Variants in RBFOX1 observed in about 807,000 individuals in gnomAD.
The protein encoded by RBFOX1 is RNA binding protein fox-1 homolog 1.
RBFOX1 carries 8 observed loss-of-function variants against 57.7 expected under a neutral mutation model. That is an observed-to-expected ratio of 0.14 (90% CI 0.08 to 0.25). The LOEUF is 0.25. Ranked by LOEUF, RBFOX1 falls within the 10% of genes least tolerant of loss-of-function variation. The pLI, the probability that RBFOX1 is intolerant of heterozygous loss-of-function variation, is 1.00. For synonymous variants in RBFOX1, 326 were observed against 222.4 expected, an observed-to-expected ratio of 1.47 and a Z score of -4.15; for missense variants, 611 against 548.5, an observed-to-expected ratio of 1.11 and a Z score of -1.14.
At position 7,538,424 on chromosome 16, in the gene RBFOX1, C is replaced by T. The variant is rs957529603; in HGVS notation, c.270+20035C>T. ...TTACTGTTGAGGAAAATGTAATTCT[C>T]CTCAACTTCTATTACTATTATAGTG... On this transcript the variant is annotated intron_variant, in intron 5 of 15. Transcript: ENST00000550418. 4.6e-5 allele frequency among the ~76,000 whole-genome samples: 7 copies of T among 152,180 alleles called. No individual in the cohort carries two copies. The South Asian group carries it at 1.5e-3, about 32-fold the overall frequency.
intron 2 of RBFOX1, among the ~76,000 whole-genome samples, chr16:6,522,544 A>G (rs1017096619): frequency 2.6e-5 from 4 of 152,164 alleles, no homozygotes; most frequent in African/African-American, 9.7e-5. Context: ...ATTCTGGATG[A>G]AGCTGTTTCT....
chr16:6,002,137 A>G (rs2060612439), intron 4 of RBFOX1, among the ~76,000 whole-genome samples: 1 of 151,968 alleles, frequency 6.6e-6, no homozygotes, highest in South Asian at 2.1e-4. Context: ...ATGCCCGGCT[A>G]ATTAAAAGAT....
At chr16:5,917,387 C>G (rs147541124) in intron 4 of RBFOX1, among the ~76,000 whole-genome samples, 12 of 152,214 alleles carry the variant, frequency 7.9e-5, no homozygotes, top group Non-Finnish European at 1.3e-4. Flanking sequence ...TCCCAACAGC[C>G]TAAGAGATTT....
intron 3 of RBFOX1, among the ~76,000 whole-genome samples, chr16:6,693,870 C>G (rs1026735951): frequency 1.3e-5 from 2 of 152,242 alleles, no homozygotes; most frequent in African/African-American, 4.8e-5. Context: ...TTAGTGTTCA[C>G]AGAGTGCCAT....
chr16:6,880,576 T>A (rs2153329294), intron 3 of RBFOX1, among the ~76,000 whole-genome samples: 1 of 152,226 alleles, frequency 6.6e-6, no homozygotes, highest in South Asian at 2.1e-4. Context: ...AAGGCCAGAA[T>A]CTGTTTTTCT....
intron 1 of RBFOX1, among the ~76,000 whole-genome samples, chr16:5,255,600 C>A (rs1404048494): frequency 6.6e-6 from 1 of 151,816 alleles, no homozygotes; most frequent in Non-Finnish European, 1.5e-5. Flanking sequence ...ACCCATTCAC[C>A]CACTCATCCA....
chr16:5,400,334 C>T (rs1483124448), intron 1 of RBFOX1, among the ~76,000 whole-genome samples: 1 of 151,862 alleles, frequency 6.6e-6, no homozygotes. Flanking sequence ...CTCTAATGAT[C>T]GGCCCACCTT....
At chr16:7,267,726 C>T (rs919644662) in intron 4 of RBFOX1, among the ~76,000 whole-genome samples, 6 of 151,876 alleles carry the variant, frequency 4.0e-5, no homozygotes, top group African/African-American at 1.2e-4. Context: ...TGTGATAGTG[C>T]GTGCCTGTAG....
intron 4 of RBFOX1, among the ~76,000 whole-genome samples, chr16:7,072,793 G>A (rs567332242): frequency 6.6e-6 from 1 of 152,230 alleles, no homozygotes; most frequent in South Asian, 2.1e-4. Context: ...TCGGAGACAT[G>A]TGAGATGAAG....
At chr16:5,827,125 G>T (rs554432423) in intron 3 of RBFOX1, among the ~76,000 whole-genome samples, 2 of 152,264 alleles carry the variant, frequency 1.3e-5, no homozygotes, top group South Asian at 2.1e-4. Context: ...GAACAGGCCA[G>T]GCACTGTGGC....
At chr16:6,086,206 T>A (rs567585770) in intron 1 of RBFOX1, among the ~76,000 whole-genome samples, 63 of 152,292 alleles carry the variant, frequency 4.1e-4, no homozygotes, top group African/African-American at 1.4e-3. Context: ...ACCACTTACC[T>A]AGTAATAGAC....
chr16:6,033,372 G>A (rs1267603934), intron 1 of RBFOX1, among the ~76,000 whole-genome samples: 2 of 151,974 alleles, frequency 1.3e-5, no homozygotes, highest in Admixed American at 6.5e-5. Context: ...GCAGGAGTAT[G>A]CAGAGAAAAA....
At chr16:5,361,755 G>C (rs114605129) in intron 1 of RBFOX1, among the ~76,000 whole-genome samples, 444 of 152,304 alleles carry the variant, frequency 2.9e-3, no homozygotes, top group African/African-American at 0.01. Flanking sequence ...TTGTATTCTT[G>C]CTCAGGCCAC....
At chr16:7,448,810 C>T (rs1363055158) in intron 4 of RBFOX1, among the ~76,000 whole-genome samples, 2 of 152,092 alleles carry the variant, frequency 1.3e-5, no homozygotes, top group Non-Finnish European at 2.9e-5. Flanking sequence ...CTTGTAAGGG[C>T]ACCAGCCATT....
chr16:6,140,131 G>A (rs1338130494), intron 1 of RBFOX1, among the ~76,000 whole-genome samples: 1 of 151,700 alleles, frequency 6.6e-6, no homozygotes, highest in East Asian at 1.9e-4. Flanking sequence ...TCTTTGTTAA[G>A]ATACTACTGT....
At chr16:7,156,423 G>C (rs1466070413) in intron 4 of RBFOX1, among the ~76,000 whole-genome samples, 1 of 151,742 alleles carries the variant, frequency 6.6e-6, no homozygotes, top group African/African-American at 2.4e-5. Context: ...GCGTATAGTT[G>C]TACATACACA....
At chr16:6,610,644 C>G (rs1027042874) in intron 2 of RBFOX1, among the ~76,000 whole-genome samples, 2 of 152,122 alleles carry the variant, frequency 1.3e-5, no homozygotes, top group East Asian at 1.9e-4. Context: ...CAACATTATC[C>G]TGATTATACA....
intron 3 of RBFOX1, among the ~76,000 whole-genome samples, chr16:6,968,259 G>C (rs2084736271): frequency 6.6e-6 from 1 of 152,206 alleles, no homozygotes; most frequent in African/African-American, 2.4e-5. Context: ...AAGACCCCCA[G>C]GCAAGCTGTC....
At chr16:6,589,190 T>G (rs2097674798) in intron 2 of RBFOX1, among the ~76,000 whole-genome samples, 1 of 152,202 alleles carries the variant, frequency 6.6e-6, no homozygotes, top group East Asian at 1.9e-4. Flanking sequence ...GAAACTATTT[T>G]TAAACTATTT....
Sources: allele counts gnomAD v4.1 joint callset (sites outside exome capture counted in the v4.1 genomes callset), GRCh38; gene constraint gnomAD v4.1.1; transcripts MANE v1.5; gene names NCBI Gene and HGNC (gene_info 2026-07-23, HGNC 2026-07-21).